Variants in LYVE1 observed in about 807,000 individuals in gnomAD.
LYVE1 encodes lymphatic vessel endothelial hyaluronic acid receptor 1.
Under a neutral mutation model 31.5 loss-of-function variants are expected in LYVE1, and 29 were observed. That is an observed-to-expected ratio of 0.92 (90% confidence interval 0.69 to 1.26). The LOEUF (loss-of-function observed/expected upper bound fraction) is 1.26. Among genes scored for constraint, LYVE1 ranks in the 50% most tolerant of loss-of-function variants. The pLI, the probability that LYVE1 is intolerant of heterozygous loss-of-function variation, is 0.00. For missense variants in LYVE1, 376 were observed against 380.2 expected (o/e 0.99, Z 0.09); for synonymous variants, 134 against 139.4 (o/e 0.96, Z 0.27).
intron 4 of LYVE1, 42 bp downstream of exon 4, chr11:10,560,453 G>A: frequency 6.7e-7 from 1 of 1,499,052 alleles, no homozygotes. Flanking sequence ...TGTTATACAT[G>A]AACATACATA....
Position 10,568,562 on chromosome 11 carries a change from A to G in LYVE1, c.-30T>C. The G allele has an allele frequency of 6.2e-7, 1 of 1,606,370 alleles. No individual in the cohort carries two copies. Among genetic ancestry groups the G allele is most frequent in the South Asian group, 1.1e-5 (1 of 90,266 alleles). On this transcript the variant is annotated 5_prime_UTR_variant, in exon 1 of 6. Transcript: ENST00000256178. The stretch of plus-strand genomic sequence containing the variant: ...CCTACCCCTTCAGAGCCAGGGAAAC[A>G]CCTCAGATGGCCACTGGTGATATGA...
At chr11:10,560,880 C>G in intron 3 of LYVE1, 80 bp from the exon 4 acceptor site, 1 of 1,133,238 alleles carries the variant, frequency 8.8e-7, no homozygotes, top group Non-Finnish European at 1.3e-6. Flanking sequence ...CTTACTACCT[C>G]CAAACCCCTT....
chr11:10,564,532 C>T (rs1242308518), intron 1 of LYVE1, among the ~76,000 whole-genome samples, 158 bp from the exon 2 acceptor site: 1 of 152,192 alleles, frequency 6.6e-6, no homozygotes, highest in Admixed American at 6.5e-5. Flanking sequence ...GCATTTTCCA[C>T]AAGGACCATC....
chr11:10,563,859 C>G, intron 3 of LYVE1, 81 bp downstream of exon 3: 2 of 1,546,794 alleles, frequency 1.3e-6, no homozygotes, highest in Non-Finnish European at 1.8e-6. Context: ...TGCTGCTGCT[C>G]AGGGTTACTC....
At chr11:10,561,949 TC>T (rs1850434554) in intron 3 of LYVE1, among the ~76,000 whole-genome samples, 1 of 152,038 alleles carries the variant, frequency 6.6e-6, no homozygotes, top group Non-Finnish European at 1.5e-5. Flanking sequence ...TGCACGTGTA[TC>T]CCAGAACTTA....
In LYVE1 at chr11:10,557,780, A is replaced by G. The variant is rs112370451; in HGVS notation, c.*1331T>C. On this transcript the variant is annotated 3_prime_UTR_variant, in exon 6 of 6. Coordinates refer to ENST00000256178, the MANE Select transcript of LYVE1 (RefSeq NM_006691.4). ...TTTAACAACCAACATTGTCCCTTTT[A>G]TTTTTGCAAACAATATGATATGATC... is the stretch of plus-strand genomic sequence containing the variant. The G allele has an allele frequency of 6.6e-6, 1 of 152,212 alleles. No homozygotes were observed. Among genetic ancestry groups the G allele is most frequent in the South Asian group, 2.1e-4 (1 of 4,832 alleles). The allele number at this position is 152,212 out of a possible 1,614,324, so 9.4% of individuals were successfully genotyped here.
chr11:10,559,093 T>A lies in LYVE1; in HGVS notation c.*18A>T. ...GAAAGAAACCAGCCTCAGGTGTGTC[T>A]CCTCATTTCTGTCTCATCTAAACTT... is the stretch of plus-strand genomic sequence containing the variant. On this transcript the variant is annotated 3_prime_UTR_variant, in exon 6 of 6. Coordinates refer to ENST00000256178, the MANE Select transcript of LYVE1 (RefSeq NM_006691.4). 1 of 1,610,306 alleles carries A rather than the reference T, an allele frequency of 6.2e-7. No homozygotes were observed. The highest frequency in any genetic ancestry group is 1.3e-5 in the African/African-American group (1 of 74,712).
At chr11:10,561,961 A>G (rs1014284618) in intron 3 of LYVE1, among the ~76,000 whole-genome samples, 12 of 152,180 alleles carry the variant, frequency 7.9e-5, no homozygotes, top group Non-Finnish European at 1.5e-4. Flanking sequence ...CCAGAACTTA[A>G]AGTATAATAA....
At chr11:10,566,838 T>C (rs1850553509) in intron 1 of LYVE1, among the ~76,000 whole-genome samples, 1 of 152,192 alleles carries the variant, frequency 6.6e-6, no homozygotes, top group East Asian at 1.9e-4. Context: ...TTAAATTAGA[T>C]AACTTGTACC....
intron 5 of LYVE1, 139 bp from the exon 6 acceptor site, chr11:10,559,436 A>G (rs1018818501): frequency 1.6e-6 from 1 of 638,178 alleles, no homozygotes; most frequent in East Asian, 2.7e-5. Flanking sequence ...ATGCTCTAAT[A>G]CATTAAGACA....
chr11:10,561,116 G>A (rs1850416723), intron 3 of LYVE1, among the ~76,000 whole-genome samples: 1 of 152,152 alleles, frequency 6.6e-6, no homozygotes, highest in African/African-American at 2.4e-5. Context: ...CTTGCACCAC[G>A]ATGCTTTATT....
intron 4 of LYVE1, among the ~76,000 whole-genome samples, chr11:10,560,187 T>C (rs1850392302): frequency 6.6e-6 from 1 of 152,220 alleles, no homozygotes; most frequent in South Asian, 2.1e-4. Context: ...ATGACTAGAA[T>C]AAAGTCATAG....
Position 10,559,049 on chromosome 11 carries a change from G to A in LYVE1, c.*62C>T. 6.8e-7 allele frequency: 1 copy of A among 1,470,998 alleles called. No homozygotes were observed. The allele number at this position is 1,470,998 out of a possible 1,614,324, so 91.1% of individuals were successfully genotyped here. A position where few individuals can be genotyped will look rare whatever the true frequency, so the allele number is the denominator to read the frequency against. ...TTTGGCCCTTTTGATTTCCCCAGCT[G>A]GGGCAGGGTAAGGAGCATGAAAGAA... is the stretch of plus-strand genomic sequence containing the variant. On this transcript the variant is annotated 3_prime_UTR_variant, in exon 6 of 6. Transcript: ENST00000256178.
rs1850340454 is a variant in LYVE1, at chr11:10,557,620, TGGATG to T, written c.*1486_*1490del. 4 of 152,160 alleles carry T rather than the reference TGGATG, an allele frequency of 2.6e-5. No individual in the cohort carries two copies. The highest frequency in any genetic ancestry group is 2.9e-5 in the Non-Finnish European group (2 of 68,036). The allele number at this position is 152,160 out of a possible 1,614,324, so 9.4% of individuals were successfully genotyped here. ...TCTGGCTCCCTGGTGAATTCTGAAA[TGGATG>T]GAAATGGAGGGCCAGCATCTCTAGT... On this transcript the variant is annotated 3_prime_UTR_variant, in exon 6 of 6. Transcript: ENST00000256178.
intron 1 of LYVE1, among the ~76,000 whole-genome samples, chr11:10,566,054 C>A (rs1006686333): frequency 6.6e-6 from 1 of 152,136 alleles, no homozygotes; most frequent in African/African-American, 2.4e-5. Flanking sequence ...AGGTGATCCA[C>A]CCACCTTGGC....
At chr11:10,560,055 C>T (rs193017739) in intron 4 of LYVE1, among the ~76,000 whole-genome samples, 161 bp from the exon 5 acceptor site, 5 of 152,154 alleles carry the variant, frequency 3.3e-5, no homozygotes, top group African/African-American at 9.7e-5. Context: ...TTGCTTCATG[C>T]TTGTAGAATC....
At chr11:10,565,538 T>C (rs1850518794) in intron 1 of LYVE1, among the ~76,000 whole-genome samples, 1 of 152,238 alleles carries the variant, frequency 6.6e-6, no homozygotes, top group Non-Finnish European at 1.5e-5. Context: ...TAGGTTGATA[T>C]CTAATGGAAG....
At chr11:10,561,407 G>A (rs977613962) in intron 3 of LYVE1, among the ~76,000 whole-genome samples, 1 of 152,148 alleles carries the variant, frequency 6.6e-6, no homozygotes, top group Non-Finnish European at 1.5e-5. Context: ...AAAAGGGAAA[G>A]GAAGGAAAGT....
In LYVE1 at chr11:10,559,097, C is replaced by T. The variant is rs138276756; in HGVS notation, c.*14G>A. The T allele has an allele frequency of 7.9e-5, 128 of 1,611,840 alleles. No individual in the cohort carries two copies. In the African/African-American group the frequency reaches 1.4e-3, roughly 17 times the overall value. On this transcript the variant is annotated 3_prime_UTR_variant, in exon 6 of 6. Coordinates refer to ENST00000256178, the MANE Select transcript of LYVE1 (RefSeq NM_006691.4). ...GAAACCAGCCTCAGGTGTGTCTCCTCATTTCTGTCTCATCTAAACTTCAGC... is the reference window on the plus strand; with the variant it reads ...GAAACCAGCCTCAGGTGTGTCTCCTTATTTCTGTCTCATCTAAACTTCAGC...
Sources: allele counts gnomAD v4.1 joint callset (sites outside exome capture counted in the v4.1 genomes callset), GRCh38; gene constraint gnomAD v4.1.1; transcripts MANE v1.5; gene names NCBI Gene and HGNC (gene_info 2026-07-23, HGNC 2026-07-21).